NALF1: variants seen among roughly 807,000 people sequenced by gnomAD.
NALF1 encodes the protein NALCN channel auxiliary factor 1.
Under a neutral mutation model 48.4 loss-of-function variants are expected in NALF1, and 3 were observed. That is an observed-to-expected ratio of 0.06 (90% CI 0.03 to 0.16). NALF1 has a LOEUF of 0.16. Ranked by LOEUF, NALF1 falls within the 10% of genes least tolerant of loss-of-function variation. The pLI, the probability that NALF1 is intolerant of heterozygous loss-of-function variation, is 1.00. For synonymous variants in NALF1, 262 were observed against 245.7 expected, an observed-to-expected ratio of 1.07 and a Z score of -0.62; for missense variants, 526 against 571.5, an observed-to-expected ratio of 0.92 and a Z score of 0.81.
rs536829386 is a variant in NALF1 at position 107,163,584 on chromosome 13, C to T, written c.*6913G>A. On this transcript the variant is annotated 3_prime_UTR_variant, in exon 3 of 3. Transcript: ENST00000375915. ...AGAAGTTGAAATTTAAGATCCAAGG[C>T]ATTTCTTTAGCTACTAATATACTCC... 3.1e-4 allele frequency: 47 copies of T among 152,162 alleles called. No individual in the cohort carries two copies. Among genetic ancestry groups the T allele is most frequent in the Admixed American group, 2.2e-3 (34 of 15,270 alleles). 9.4% of individuals were successfully genotyped at this position (152,162 alleles called of 1,614,324 possible).
intron 1 of NALF1, among the ~76,000 whole-genome samples, chr13:107,276,566 C>A (rs1260469088): frequency 6.6e-6 from 1 of 152,108 alleles, no homozygotes; most frequent in Non-Finnish European, 1.5e-5. Flanking sequence ...GTATTTAAAG[C>A]CTACCTGTCA....
At chr13:107,600,597 G>T (rs1878894665) in intron 1 of NALF1, among the ~76,000 whole-genome samples, 1 of 152,130 alleles carries the variant, frequency 6.6e-6, no homozygotes, top group Non-Finnish European at 1.5e-5. Flanking sequence ...TGTTTATTGT[G>T]TATCAGTTAC....
intron 1 of NALF1, among the ~76,000 whole-genome samples, chr13:107,288,067 T>C (rs1240585627): frequency 1.3e-5 from 2 of 152,078 alleles, no homozygotes; most frequent in Non-Finnish European, 2.9e-5. Flanking sequence ...TCTTCCCATA[T>C]AGGTCCTTAT....
At chr13:107,564,117 G>T (rs192282492) in intron 1 of NALF1, among the ~76,000 whole-genome samples, 1 of 152,240 alleles carries the variant, frequency 6.6e-6, no homozygotes, top group East Asian at 1.9e-4. Context: ...AGAAACAACT[G>T]AAAGAATGGA....
rs181584610 is a variant in NALF1, at chr13:107,469,989, C to T, written c.916-259234G>A. 8.8e-4 allele frequency among the ~76,000 whole-genome samples: 134 copies of T among 151,764 alleles called. 2 individuals are homozygous for T. The highest frequency in any genetic ancestry group is 1.6e-3 in the Non-Finnish European group (107 of 67,928). ...CGATCTCCTGACCTCATGATCTGCC[C>T]GACTCGGCCTCCCAAAGTGCTGAGA... On this transcript the variant is annotated intron_variant, in intron 1 of 2. Transcript: ENST00000375915.
chr13:107,263,597 G>C (rs1220162815), intron 1 of NALF1, among the ~76,000 whole-genome samples: 1 of 152,020 alleles, frequency 6.6e-6, no homozygotes, highest in Admixed American at 6.6e-5. Flanking sequence ...GAGATCTGAT[G>C]GTTTTATAAG....
intron 1 of NALF1, among the ~76,000 whole-genome samples, chr13:107,444,943 A>T (rs1448705344): frequency 1.3e-5 from 2 of 152,188 alleles, no homozygotes; most frequent in Non-Finnish European, 2.9e-5. Flanking sequence ...TGAAATAATT[A>T]TAGATTTACT....
Position 107,493,878 on chromosome 13 carries a change from G to T in NALF1, c.916-283123C>A, listed in dbSNP as rs75251626. Among the ~76,000 whole-genome samples, 299 of 151,842 alleles carry T rather than the reference G, an allele frequency of 2.0e-3. 2 individuals carry two copies. Among genetic ancestry groups the T allele is most frequent in the African/African-American group, 6.9e-3 (287 of 41,426 alleles). ...GGACTCCAGGCTGGGAGAAAGAGTG[G>T]GACTCCATCTCTCAAAATTATATAT... On this transcript the variant is annotated intron_variant, in intron 1 of 2. Transcript: ENST00000375915.
chr13:107,320,394 T>C (rs1040371724), intron 1 of NALF1, among the ~76,000 whole-genome samples: 4 of 152,126 alleles, frequency 2.6e-5, no homozygotes, highest in African/African-American at 9.7e-5. Flanking sequence ...TTTTGACCTA[T>C]TCCACTGTTA....
chr13:107,491,410 T>C (rs1238221055), intron 1 of NALF1, among the ~76,000 whole-genome samples: 1 of 152,172 alleles, frequency 6.6e-6, no homozygotes, highest in Non-Finnish European at 1.5e-5. Context: ...TATAGGATGC[T>C]GACTTTTTAA....
chr13:107,479,919 T>C (rs1424704722), intron 1 of NALF1, among the ~76,000 whole-genome samples: 1 of 152,088 alleles, frequency 6.6e-6, no homozygotes, highest in Admixed American at 6.6e-5. Context: ...ATTCAGTTTC[T>C]CTCTCTGCAA....
At chr13:107,490,308 C>A (rs1223017411) in intron 1 of NALF1, among the ~76,000 whole-genome samples, 1 of 152,088 alleles carries the variant, frequency 6.6e-6, no homozygotes. Context: ...CAATAGCAAA[C>A]ACACAGAATC....
chr13:107,521,052 T>C (rs958806014), intron 1 of NALF1, among the ~76,000 whole-genome samples: 2 of 152,126 alleles, frequency 1.3e-5, no homozygotes, highest in African/African-American at 2.4e-5. Context: ...AAAATAGGAA[T>C]ATATAAAGTA....
chr13:107,309,948 T>C (rs1882012789), intron 1 of NALF1, among the ~76,000 whole-genome samples: 2 of 152,190 alleles, frequency 1.3e-5, no homozygotes, highest in Non-Finnish European at 2.9e-5. Flanking sequence ...AGCTATTTTA[T>C]GTCTTCATTT....
intron 1 of NALF1, among the ~76,000 whole-genome samples, chr13:107,656,483 G>C (rs2138472279): frequency 6.6e-6 from 1 of 152,156 alleles, no homozygotes; most frequent in South Asian, 2.1e-4. Flanking sequence ...TGCAAGAATG[G>C]CCATAATCAA....
Position 107,866,774 on chromosome 13 carries a change from C to G in NALF1, c.-178G>C, listed in dbSNP as rs1880748858. On this transcript the variant is annotated 5_prime_UTR_variant, in exon 1 of 3. Coordinates refer to ENST00000375915, the MANE Select transcript of NALF1 (RefSeq NM_001080396.3). The surrounding 1 kb of genome is among the most constrained non-coding windows in gnomAD (Gnocchi z 4.4). ...CTCTCTCCTCTCTCTCTCTCTCCCT[C>G]TCCCTCTCTTTTATCTCTCTCTGTC... 1 of 600,876 alleles carries G rather than the reference C, an allele frequency of 1.7e-6. No individual in the cohort carries two copies. Among genetic ancestry groups the G allele is most frequent in the Admixed American group, 3.0e-5 (1 of 33,326 alleles). The allele number at this position is 600,876 out of a possible 1,614,324, so 37.2% of individuals were successfully genotyped here.
chr13:107,453,158 G>T (rs1002900521), intron 1 of NALF1, among the ~76,000 whole-genome samples: 7 of 152,168 alleles, frequency 4.6e-5, no homozygotes, highest in African/African-American at 1.2e-4. Context: ...GGGGTATGCA[G>T]CATGGTGGCC....
rs147990795 is a variant in NALF1, at chr13:107,352,069, G to C, written c.916-141314C>G. The stretch of plus-strand genomic sequence containing the variant: ...TTACATATGTCCTATATTCACTTTA[G>C]GGTGAAGGCCTTACATTTACATGCA... On this transcript the variant is annotated intron_variant, in intron 1 of 2. Transcript: ENST00000375915. Among the ~76,000 whole-genome samples, 370 of 152,318 alleles carry C rather than the reference G, an allele frequency of 2.4e-3. 5 individuals carry two copies. Among genetic ancestry groups the C allele is most frequent in the African/African-American group, 8.3e-3 (343 of 41,572 alleles).
intron 2 of NALF1, among the ~76,000 whole-genome samples, chr13:107,187,562 C>T (rs1007502168): frequency 6.6e-6 from 1 of 152,182 alleles, no homozygotes; most frequent in African/African-American, 2.4e-5. Context: ...ACTTCCACCC[C>T]ACACACTCAT....
Sources: gnomAD v4.1 joint callset for allele counts (sites outside exome capture counted in the v4.1 genomes callset) on GRCh38, gnomAD v4.1.1 for gene constraint, Gnocchi (gnomAD v3.1) non-coding constraint, MANE v1.5 for transcripts, NCBI Gene and HGNC (gene_info 2026-07-23, HGNC 2026-07-21) for gene names.